The following ATAD5 variants were observed in gnomAD, a reference collection of about 807,000 sequenced individuals.
ATAD5 encodes the protein ATPase family AAA domain containing 5.
In ATAD5, 58 loss-of-function variants were observed where a neutral mutation model predicts 176.9. The observed-to-expected ratio is 0.33, with a 90% CI of 0.27 to 0.41. ATAD5 has a LOEUF of 0.41. ATAD5 is among the 10% of genes least tolerant of loss of function. The pLI, the probability that ATAD5 is intolerant of heterozygous loss-of-function variation, is 1.00. For synonymous variants in ATAD5, 640 were observed against 712.6 expected (o/e 0.90, Z 1.62); for missense variants, 1,789 against 2,094.1 (o/e 0.85, Z 2.84).
intron 3 of ATAD5, among the ~76,000 whole-genome samples, chr17:30,839,522 AC>A (rs1339051966): frequency 1.2e-4 from 17 of 145,836 alleles, no homozygotes; most frequent in African/African-American, 4.3e-4. Flanking sequence ...TGATCTGCCC[AC>A]CTCGGCCTCC....
Position 30,895,050 on chromosome 17 carries a change from C to T in ATAD5, c.*137C>T, listed in dbSNP as rs141919642. 2.9e-4 allele frequency: 151 copies of T among 529,294 alleles called. 1 individual carries two copies. Among genetic ancestry groups the T allele is most frequent in the African/African-American group, 1.5e-3 (76 of 50,248 alleles). The allele number at this position is 529,294 out of a possible 1,614,324, so 32.8% of individuals were successfully genotyped here. A position where few individuals can be genotyped will look rare whatever the true frequency, so the allele number is the denominator to read the frequency against. On this transcript the variant is annotated 3_prime_UTR_variant, in exon 23 of 23. Coordinates refer to ENST00000321990, the MANE Select transcript of ATAD5 (RefSeq NM_024857.5). ...AACAATTTGTATATTTTTTTATTGG[C>T]GGGTAAATATTTAAAATATTTGAGT...
chr17:30,834,675 A>G lies in ATAD5; in HGVS notation c.594A>G (p.Thr198=), dbSNP rs1319126250. 2 of 1,610,268 alleles carry G rather than the reference A, an allele frequency of 1.2e-6. No individual in the cohort carries two copies. Among genetic ancestry groups the G allele is most frequent in the Non-Finnish European group, 1.7e-6 (2 of 1,179,070 alleles). Residue 198 remains threonine, a synonymous_variant, in exon 2 of 23, where the codon ACA becomes ACG. Coordinates refer to ENST00000321990, the MANE Select transcript of ATAD5 (RefSeq NM_024857.5). ...AAGTAAATCCTAAACAAGGGACCAC[A>G]AAAAATGACTTCAAAAAGTTGAGAA... is the stretch of plus-strand genomic sequence containing the variant. The part of the protein sequence containing the change: ...SKKVNPKQGT[T]KNDFKKLRKR...
At chr17:30,855,041 G>A (rs909362935) in intron 6 of ATAD5, 102 bp from the exon 7 acceptor site, 3 of 1,114,480 alleles carry the variant, frequency 2.7e-6, no homozygotes, top group Non-Finnish European at 3.7e-6. Flanking sequence ...TTACAGGCAT[G>A]AGCCACCATG....
Position 30,857,030 on chromosome 17 carries a change from T to C in ATAD5, c.2711T>C (p.Ile904Thr). The C allele has an allele frequency of 6.2e-7, 1 of 1,610,164 alleles. No homozygotes were observed. Among genetic ancestry groups the C allele is most frequent in the Non-Finnish European group, 8.5e-7 (1 of 1,179,110 alleles). ...TKFKELNTKV[I>T]DLSKCGIALG... ...TTTAAAGAACTGAACACTAAAGTAA[T>C]AGATCTCTCAAAATGTGGTATTGCT... Residue 904 changes from isoleucine (I) to threonine (T), a missense_variant, in exon 8 of 23, where the codon ATA (isoleucine) becomes ACA (threonine). By Grantham distance (89) the Ile-to-Thr change is moderately conservative. Transcript: ENST00000321990.
Position 30,893,753 on chromosome 17 carries a change from G to A in ATAD5, c.4900G>A (p.Ala1634Thr), listed in dbSNP as rs1909761428. The change falls in exon 21 of 23, where the codon GCA (alanine) becomes ACA (threonine). Residue 1634 changes from alanine (A) to threonine (T), a missense_variant. Around this residue, in one of 6 missense-constraint regions of ATAD5, gnomAD observed 403 missense variants for 495.1 expected, o/e 0.81. Transcript: ENST00000321990. ...TATTCCTTGTCCTCCTAAAACAACT[G>A]CAGGAAAAAAATGTTCTGCCCTTGT... ...KSIPCPPKTTAGKKCSALVSH... is the reference protein window; with the variant it reads ...KSIPCPPKTTTGKKCSALVSH... 2.5e-6 allele frequency: 4 copies of A among 1,613,868 alleles called. No individual in the cohort carries two copies. Among genetic ancestry groups the A allele is most frequent in the South Asian group, 1.1e-5 (1 of 91,072 alleles).
chr17:30,884,165 CTT>C (rs1000973914), intron 18 of ATAD5, among the ~76,000 whole-genome samples: 6 of 141,708 alleles, frequency 4.2e-5, no homozygotes, highest in Non-Finnish European at 4.6e-5. Flanking sequence ...TTGTGACCGG[CTT>C]TTTTTTTTTT....
At chr17:30,855,880 A>AG in intron 7 of ATAD5, among the ~76,000 whole-genome samples, 1 of 151,618 alleles carries the variant, frequency 6.6e-6, no homozygotes, top group East Asian at 1.9e-4. Context: ...AAAAAAAAAA[A>AG]GTTTAGCCTT....
intron 14 of ATAD5, among the ~76,000 whole-genome samples, chr17:30,873,841 G>A (rs1908488677): frequency 6.6e-6 from 1 of 152,022 alleles, no homozygotes; most frequent in Non-Finnish European, 1.5e-5. Context: ...GCAGGTATGT[G>A]CCACTGCACT....
At chr17:30,877,046 C>T (rs548719876) in intron 15 of ATAD5, among the ~76,000 whole-genome samples, 1 of 150,808 alleles carries the variant, frequency 6.6e-6, no homozygotes, top group Non-Finnish European at 1.5e-5. Flanking sequence ...TTGAGACAGT[C>T]TCACTCTTTC....
At chr17:30,871,132 A>T (rs1908309040) in intron 14 of ATAD5, among the ~76,000 whole-genome samples, 1 of 127,728 alleles carries the variant, frequency 7.8e-6, no homozygotes, top group South Asian at 2.6e-4. Flanking sequence ...GTTAGTTGTT[A>T]TTACTATTCA....
In ATAD5 at chr17:30,840,640, A is replaced by G. The variant is rs758217443; in HGVS notation, c.2100A>G (p.Ile700Met). The G allele has an allele frequency of 1.3e-6, 2 of 1,562,580 alleles. No homozygotes were observed. Among genetic ancestry groups the G allele is most frequent in the Admixed American group, 3.9e-5 (2 of 51,472 alleles). ...IRKASNTSKN[I>M]SKAKQLIEKA... ...AGGCAAGCAATACTTCAAAAAACATATCAAAAGCAAAACAATTGATTGAAA... is the reference window on the plus strand; with the variant it reads ...AGGCAAGCAATACTTCAAAAAACATGTCAAAAGCAAAACAATTGATTGAAA... Residue 700 changes from isoleucine to methionine, a missense_variant, in exon 4 of 23, where the codon ATA becomes ATG. By Grantham distance (10) the Ile-to-Met change is conservative. Transcript: ENST00000321990.
intron 9 of ATAD5, among the ~76,000 whole-genome samples, chr17:30,858,680 T>A (rs1050037275): frequency 1.3e-5 from 2 of 149,150 alleles, no homozygotes; most frequent in Non-Finnish European, 3.0e-5. Context: ...GCCACTGCGC[T>A]TGGCCTATTT....
At chr17:30,842,907 C>T (rs2142321888) in intron 4 of ATAD5, among the ~76,000 whole-genome samples, 1 of 152,184 alleles carries the variant, frequency 6.6e-6, no homozygotes, top group Middle Eastern at 3.4e-3. Context: ...TCACACCTGG[C>T]TAATTTTGTA....
intron 11 of ATAD5, among the ~76,000 whole-genome samples, 153 bp downstream of exon 11, chr17:30,865,953 AT>A (rs1281272258): frequency 6.6e-6 from 1 of 152,130 alleles, no homozygotes; most frequent in Non-Finnish European, 1.5e-5. Context: ...CTTTTCTTAC[AT>A]TTCTACTTCT....
intron 5 of ATAD5, 42 bp from the exon 6 acceptor site, chr17:30,844,793 A>C: frequency 1.1e-6 from 1 of 870,254 alleles, no homozygotes; most frequent in Non-Finnish European, 1.8e-6. Context: ...GAAGGTGGAG[A>C]TGGTAAACAT....
At chr17:30,850,820 T>C in intron 6 of ATAD5, among the ~76,000 whole-genome samples, 1 of 76,772 alleles carries the variant, frequency 1.3e-5, no homozygotes, top group South Asian at 4.0e-4. Flanking sequence ...TTATTATTTA[T>C]ATTTATATAT....
At chr17:30,877,172 C>A (rs1241830492) in intron 15 of ATAD5, among the ~76,000 whole-genome samples, 1 of 152,070 alleles carries the variant, frequency 6.6e-6, no homozygotes, top group Non-Finnish European at 1.5e-5. Context: ...TGTGTGCCAC[C>A]ACACCCAGCT....
In ATAD5 at chr17:30,893,345, G is replaced by A; in HGVS notation, c.4492G>A (p.Glu1498Lys). The A allele has an allele frequency of 6.3e-7, 1 of 1,590,782 alleles. No individual in the cohort carries two copies. The highest frequency in any genetic ancestry group is 8.5e-7 in the Non-Finnish European group (1 of 1,171,190). ...GCATAAATTCATCCAGCTTCTTACA[G>A]AATTCCAAATGCGGAATGTAGATTT... The part of the protein sequence containing the change: ...EWHKFIQLLT[E>K]FQMRNVDFLY... The change falls in exon 21 of 23, where the codon GAA becomes AAA. Residue 1498 changes from glutamate (E) to lysine (K), a missense_variant. Physicochemically the swap from Glu to Lys is moderately conservative, Grantham distance 56. Coordinates refer to ENST00000321990, the MANE Select transcript of ATAD5 (RefSeq NM_024857.5).
intron 18 of ATAD5, among the ~76,000 whole-genome samples, chr17:30,885,649 G>GTTTTTTTTTTTTTTTTTTTTTTTTT (rs1567699161): frequency 1.6e-5 from 2 of 126,960 alleles, no homozygotes; most frequent in African/African-American, 6.0e-5. Flanking sequence ...TTTTTTTTTG[G>GTTTTTTTTTTTTTTTTTTTTTTTTT]TTGAGATGGA....
Sources: allele counts gnomAD v4.1 joint callset (sites outside exome capture counted in the v4.1 genomes callset), GRCh38; gene constraint gnomAD v4.1.1; regional missense constraint gnomAD v4.1.1; transcripts MANE v1.5; gene names NCBI Gene and HGNC (gene_info 2026-07-23, HGNC 2026-07-21).